The following VPS13C variants were observed in gnomAD, a reference collection of about 807,000 sequenced individuals.
VPS13C encodes intermembrane lipid transfer protein VPS13C.
VPS13C carries 358 observed loss-of-function variants against 456.8 expected under a neutral mutation model. That is an observed-to-expected ratio of 0.78 (90% CI 0.72 to 0.86). The LOEUF (loss-of-function observed/expected upper bound fraction) is 0.86. Among genes scored for constraint, VPS13C ranks in the 40% least tolerant of loss-of-function variants. VPS13C has a pLI of 0.00. For synonymous variants in VPS13C, 1,578 were observed against 1,486.7 expected (o/e 1.06, Z -1.41); for missense variants, 4,818 against 4,385.4 (o/e 1.10, Z -2.79).
chr15:61,881,894 T>C (rs1895884574), intron 69 of VPS13C, 66 bp from the exon 70 acceptor site: 1 of 1,417,330 alleles, frequency 7.1e-7, no homozygotes, highest in Non-Finnish European at 9.5e-7. Context: ...TCAAAGATAA[T>C]GTTATAGAAG....
At position 61,865,654 on chromosome 15, in the gene VPS13C, ATATG is replaced by A. The variant is rs1470752639; in HGVS notation, c.10864-2130_10864-2127del. On this transcript the variant is annotated intron_variant, in intron 81 of 84. Coordinates refer to ENST00000644861, the MANE Select transcript of VPS13C (RefSeq NM_020821.3). ...TGGGTATATTTGTATGTGTGTATAT[ATATG>A]TATGTGTATATATGTGTATATTTGT... 2.8e-5 allele frequency: 11 copies of A among 386,036 alleles called. No homozygotes were observed. The East Asian group carries it at 8.2e-4, about 29-fold the overall frequency. The allele number at this position is 386,036 out of a possible 1,614,324, so 23.9% of individuals were successfully genotyped here.
chr15:61,897,215 G>A (rs1393141233), intron 66 of VPS13C, among the ~76,000 whole-genome samples: 1 of 152,202 alleles, frequency 6.6e-6, no homozygotes, highest in Non-Finnish European at 1.5e-5. Context: ...CCAAAGGAAT[G>A]CAGTTCCTCA....
chr15:61,995,557 T>G (rs1162924156), intron 16 of VPS13C, among the ~76,000 whole-genome samples: 1 of 152,246 alleles, frequency 6.6e-6, no homozygotes, highest in African/African-American at 2.4e-5. Flanking sequence ...AGTTTCTCTC[T>G]TCTTTTGAAG....
intron 61 of VPS13C, among the ~76,000 whole-genome samples, chr15:61,914,881 A>T (rs1240277434): frequency 3.4e-4 from 15 of 44,758 alleles, no homozygotes; most frequent in African/African-American, 1.3e-3. Flanking sequence ...TCTGCCTTAA[A>T]AAAAAAAAAA....
intron 66 of VPS13C, among the ~76,000 whole-genome samples, chr15:61,893,531 A>C (rs536163603): frequency 6.6e-6 from 1 of 151,918 alleles, no homozygotes; most frequent in Non-Finnish European, 1.5e-5. Context: ...ATGAAAAAAA[A>C]ATTTGGAGGC....
rs115356484 is a variant in VPS13C at position 61,884,203 on chromosome 15, G to A, written c.9408C>T (p.Ile3136=). ...KWKPFSQKQI[I]LLEQSYQKHQ... is the part of the protein sequence containing the mutation. ...GTTTCTGATAGGATTGTTCCAATAA[G>A]ATTATCTGCTTTTGACTAAATGGCT... The change falls in exon 68 of 85, where the codon ATC becomes ATT. Residue 3136 remains isoleucine (I), a synonymous_variant. Transcript: ENST00000644861. 2.3e-3 allele frequency: 3,773 copies of A among 1,610,668 alleles called. 59 individuals carry two copies. In the African/African-American group the frequency reaches 0.037, roughly 16 times the overall value.
intron 28 of VPS13C, among the ~76,000 whole-genome samples, chr15:61,968,621 T>G (rs967036475): frequency 6.6e-6 from 1 of 152,148 alleles, no homozygotes; most frequent in African/African-American, 2.4e-5. Flanking sequence ...ATATATACAC[T>G]GAAATGAATA....
chr15:62,055,779 T>G (rs1322343796), intron 1 of VPS13C, among the ~76,000 whole-genome samples: 1 of 152,198 alleles, frequency 6.6e-6, no homozygotes, highest in East Asian at 1.9e-4. Context: ...ACTTCTTCCG[T>G]GTCCTTTTTA....
chr15:61,974,245 A>C (rs764756635), intron 25 of VPS13C, 43 bp downstream of exon 25: 2 of 1,565,132 alleles, frequency 1.3e-6, no homozygotes, highest in Non-Finnish European at 1.7e-6. Context: ...CACTGCTCTA[A>C]AACAATAAAA....
intron 3 of VPS13C, among the ~76,000 whole-genome samples, chr15:62,040,196 G>A (rs2048194492): frequency 6.6e-6 from 1 of 152,064 alleles, no homozygotes; most frequent in Admixed American, 6.6e-5. Flanking sequence ...TAGAACAATG[G>A]TTACCAGAAG....
chr15:61,963,874 A>C lies in VPS13C; in HGVS notation c.3292T>G (p.Cys1098Gly). The C allele has an allele frequency of 6.2e-7, 1 of 1,612,426 alleles. No individual in the cohort carries two copies. Among genetic ancestry groups the C allele is most frequent in the Non-Finnish European group, 8.5e-7 (1 of 1,178,946 alleles). Residue 1098 changes from cysteine (C) to glycine (G), a missense_variant, in exon 32 of 85, where the codon TGC becomes GGC. By Grantham distance (159) the Cys-to-Gly change is radical. Transcript: ENST00000644861. ...AKLNAFCVIV[C>G]NEKNNIAEIK... ...TCGGCGATATTGTTCTTTTCGTTGC[A>C]AACAATGACACAGAAAGCATTCAAC... is the stretch of plus-strand genomic sequence containing the variant.
At chr15:61,932,467 C>G (rs1022494556) in intron 49 of VPS13C, among the ~76,000 whole-genome samples, 1 of 151,902 alleles carries the variant, frequency 6.6e-6, no homozygotes, top group African/African-American at 2.4e-5. Context: ...GAAAAATGGA[C>G]CTCGATCTTT....
At chr15:62,018,375 G>A (rs930653320) in intron 9 of VPS13C, among the ~76,000 whole-genome samples, 6 of 151,870 alleles carry the variant, frequency 4.0e-5, no homozygotes, top group Admixed American at 6.6e-5. Flanking sequence ...AGTTTTCAAA[G>A]GGAATGCTTC....
intron 21 of VPS13C, 125 bp downstream of exon 21, chr15:61,982,334 G>A: frequency 1.5e-6 from 1 of 671,060 alleles, no homozygotes; most frequent in Non-Finnish European, 2.4e-6. Context: ...ACTCTATACT[G>A]TAATACAGCC....
chr15:62,000,570 T>C lies in VPS13C; in HGVS notation c.1347A>G (p.Gln449=), dbSNP rs762713891. The C allele has an allele frequency of 5.0e-6, 8 of 1,607,374 alleles. No homozygotes were observed. The Admixed American group carries it at 8.5e-5, about 17-fold the overall frequency. Reference sequence around the variant, plus strand: ...AGCTAATAAAAATGATTACCTCAACTTGTGCTTGTTGCCTTGCTAAAATTA... The same window carrying C: ...AGCTAATAAAAATGATTACCTCAACCTGTGCTTGTTGCCTTGCTAAAATTA... ...FNIILARQQA[Q]VEVIRSGQKL... Residue 449 remains glutamine, a synonymous_variant, in exon 16 of 85, where the codon CAA becomes CAG. Transcript: ENST00000644861.
At chr15:62,059,337 A>G (rs926780168) in intron 1 of VPS13C, among the ~76,000 whole-genome samples, 1 of 152,226 alleles carries the variant, frequency 6.6e-6, no homozygotes, top group African/African-American at 2.4e-5. Context: ...TTGAATTAAA[A>G]GCAGATCCAT....
chr15:62,018,221 G>A (rs1255008689), intron 9 of VPS13C, among the ~76,000 whole-genome samples: 3 of 152,128 alleles, frequency 2.0e-5, no homozygotes, highest in Non-Finnish European at 4.4e-5. Context: ...ATACAATCAT[G>A]TCATCTGCAA....
chr15:61,943,792 G>A (rs569438994), intron 45 of VPS13C, among the ~76,000 whole-genome samples: 36 of 151,954 alleles, frequency 2.4e-4, no homozygotes, highest in African/African-American at 8.7e-4. Flanking sequence ...TGACAAGTGA[G>A]ACCTAATTAA....
intron 66 of VPS13C, among the ~76,000 whole-genome samples, chr15:61,893,805 G>A (rs1402978712): frequency 1.3e-5 from 2 of 151,822 alleles, no homozygotes; most frequent in Non-Finnish European, 2.9e-5. Context: ...TTTCCTTTCT[G>A]ATCAAAGTTA....
Sources: allele counts gnomAD v4.1 joint callset (sites outside exome capture counted in the v4.1 genomes callset), GRCh38; gene constraint gnomAD v4.1.1; transcripts MANE v1.5; gene names NCBI Gene and HGNC (gene_info 2026-07-23, HGNC 2026-07-21).